COL27A1: variants seen among roughly 807,000 people sequenced by gnomAD.
COL27A1 encodes the protein collagen alpha-1(XXVII) chain.
Under a neutral mutation model 251.3 loss-of-function variants are expected in COL27A1, and 106 were observed. That is an observed-to-expected ratio of 0.42 (90% CI 0.36 to 0.50). The LOEUF is 0.50. COL27A1 is among the 20% of genes least tolerant of loss of function. The pLI, the probability that COL27A1 is intolerant of heterozygous loss-of-function variation, is 0.00. For synonymous variants in COL27A1, 1,000 were observed against 986.3 expected (o/e 1.01, Z -0.26); for missense variants, 2,325 against 2,522.8 (o/e 0.92, Z 1.68).
chr9:114,243,277 A>G (rs963337597), intron 22 of COL27A1, among the ~76,000 whole-genome samples: 4 of 152,134 alleles, frequency 2.6e-5, no homozygotes, highest in Admixed American at 2.6e-4. Context: ...TTACAACAAG[A>G]AGACCAACCC....
intron 28 of COL27A1, among the ~76,000 whole-genome samples, chr9:114,258,969 C>T (rs1834134375): frequency 1.3e-5 from 2 of 152,184 alleles, no homozygotes; most frequent in Non-Finnish European, 2.9e-5. Flanking sequence ...GTGAGCCAGT[C>T]AACAAGTGAA....
intron 27 of COL27A1, among the ~76,000 whole-genome samples, chr9:114,254,175 C>A (rs1833765661): frequency 2.0e-5 from 3 of 152,018 alleles, no homozygotes; most frequent in Admixed American, 2.0e-4. Context: ...GAAGAGCAGG[C>A]ACAAAGATGG....
At chr9:114,242,068 C>A in intron 21 of COL27A1, 119 bp from the exon 22 acceptor site, 1 of 858,318 alleles carries the variant, frequency 1.2e-6, no homozygotes. Flanking sequence ...GTGCTGTTTC[C>A]CTTTGTCCAG....
chr9:114,272,492 A>T (rs557646589), intron 36 of COL27A1: 21 of 152,228 alleles, frequency 1.4e-4, no homozygotes, highest in Middle Eastern at 3.4e-3. Flanking sequence ...GGAGAGACCC[A>T]TTTTCTTAAG....
chr9:114,210,988 C>T lies in COL27A1; in HGVS notation c.2329C>T (p.Pro777Ser). 6.2e-7 allele frequency: 1 copy of T among 1,614,202 alleles called. No individual in the cohort carries two copies. The highest frequency in any genetic ancestry group is 8.5e-7 in the Non-Finnish European group (1 of 1,180,012). ...LPGSDGERGL[P>S]GVPGKRGKMG... ...CCCTGTCTCTCCCCTGCAGGGCCTG[C>T]CTGGCGTTCCTGGCAAGAGGGGCAA... Residue 777 changes from proline to serine, a missense_variant, in exon 12 of 61, where the codon CCT (proline) becomes TCT (serine). Transcript: ENST00000356083.
At chr9:114,309,558 A>G (rs1829306132) in intron 60 of COL27A1, 80 bp downstream of exon 60, 3 of 1,003,688 alleles carry the variant, frequency 3.0e-6, no homozygotes, top group Non-Finnish European at 4.5e-6. Flanking sequence ...TGTTTCTATT[A>G]TAAGATTATA....
Position 114,274,900 on chromosome 9 carries a change from A to C in COL27A1, c.3610-761A>C, listed in dbSNP as rs547800183. On this transcript the variant is annotated intron_variant, in intron 36 of 60. Coordinates refer to ENST00000356083, the MANE Select transcript of COL27A1 (RefSeq NM_032888.4). The stretch of plus-strand genomic sequence containing the variant: ...GAAAAATGGAAAGAGTGGTTCTGAG[A>C]AGGAGAATTGGGTGAATTTTCTTTC... Among the ~76,000 whole-genome samples the C allele has an allele frequency of 2.6e-5, 4 of 151,970 alleles. No individual in the cohort carries two copies. In the South Asian group the frequency reaches 8.3e-4, roughly 32 times the overall value.
Position 114,290,150 on chromosome 9 carries a change from G to GGCC in COL27A1, c.4260+39_4260+40insGCC. 2.6e-5 allele frequency: 41 copies of GGCC among 1,593,358 alleles called. No individual in the cohort carries two copies. The highest frequency in any genetic ancestry group is 4.5e-5 in the East Asian group (2 of 44,422). On this transcript the variant is annotated intron_variant, in intron 46 of 60. Coordinates refer to ENST00000356083, the MANE Select transcript of COL27A1 (RefSeq NM_032888.4). This position sits in a 1 kb window ranked among gnomAD's most constrained non-coding sequence, Gnocchi z 4.6. Reference sequence around the variant, plus strand: ...GCTGCTGTTTCCAGCCAACCTCCCTGCCCGCCCCCCACACCCGCCCTCCTC... The same window carrying GGCC: ...GCTGCTGTTTCCAGCCAACCTCCCTGGCCCCCGCCCCCCACACCCGCCCTCCTC...
intron 27 of COL27A1, among the ~76,000 whole-genome samples, chr9:114,254,599 G>T (rs535033545): frequency 2.7e-4 from 41 of 152,278 alleles, no homozygotes; most frequent in African/African-American, 9.1e-4. Context: ...GGGGCGATGA[G>T]CTCAGGTTGC....
chr9:114,205,736 T>A, intron 8 of COL27A1, 23 bp from the exon 9 acceptor site: 1 of 1,612,488 alleles, frequency 6.2e-7, no homozygotes, highest in Non-Finnish European at 8.5e-7. Flanking sequence ...CTTTTCCTTA[T>A]GTTTCTCTCT....
chr9:114,206,139 C>T (rs564343490), intron 9 of COL27A1, 113 bp from the exon 10 acceptor site: 5 of 1,043,612 alleles, frequency 4.8e-6, no homozygotes, highest in East Asian at 2.5e-5. Flanking sequence ...CTAACCCCAC[C>T]CCCATTCTAC....
intron 4 of COL27A1, 92 bp downstream of exon 4, chr9:114,178,436 C>T (rs944878213): frequency 1.8e-5 from 21 of 1,159,068 alleles, no homozygotes; most frequent in Non-Finnish European, 2.3e-5. Flanking sequence ...TGTGTGTCCT[C>T]AGGTTCTTCC....
intron 3 of COL27A1, among the ~76,000 whole-genome samples, chr9:114,177,658 T>A (rs964159910): frequency 1.3e-5 from 2 of 152,210 alleles, no homozygotes; most frequent in African/African-American, 4.8e-5. Context: ...GGGCACAAGC[T>A]GGCTAAAGAC....
intron 10 of COL27A1, 168 bp from the exon 11 acceptor site, chr9:114,209,507 C>G: frequency 1.3e-6 from 1 of 783,856 alleles, no homozygotes; most frequent in South Asian, 1.4e-5. Context: ...GGCATATACA[C>G]TTGCCTCAAG....
Position 114,237,691 on chromosome 9 carries a change from G to C in COL27A1, c.2703G>C (p.Gly901=), listed in dbSNP as rs1287808668. The stretch of plus-strand genomic sequence containing the variant: ...AAGTCGGAGACAAAGGATCCATTGG[G>C]TTTCCCGGGCCCCCTGGACCCGAGG... ...LGKVGDKGSI[G]FPGPPGPEGF... is the part of the protein sequence containing the mutation. The change falls in exon 19 of 61, where the codon GGG becomes GGC. Residue 901 remains glycine, a synonymous_variant. Coordinates refer to ENST00000356083, the MANE Select transcript of COL27A1 (RefSeq NM_032888.4). 1 of 1,614,044 alleles carries C rather than the reference G, an allele frequency of 6.2e-7. No homozygotes were observed. Among genetic ancestry groups the C allele is most frequent in the Non-Finnish European group, 8.5e-7 (1 of 1,180,032 alleles).
Position 114,176,380 on chromosome 9 carries a change from AT to A in COL27A1, c.1909-1903del, listed in dbSNP as rs1405688882. ...TTGCTTCACAGAAATAACAGCTAAC[AT>A]TTTTTTTGAGCATTAATTGGGTGCC... On this transcript the variant is annotated intron_variant, in intron 3 of 60. Coordinates refer to ENST00000356083, the MANE Select transcript of COL27A1 (RefSeq NM_032888.4). 2.6e-5 allele frequency among the ~76,000 whole-genome samples: 4 copies of A among 152,114 alleles called. No homozygotes were observed. The East Asian group carries it at 5.8e-4, about 22-fold the overall frequency.
chr9:114,306,354 G>GC, intron 57 of COL27A1, 166 bp from the exon 58 acceptor site: 1 of 628,414 alleles, frequency 1.6e-6, no homozygotes, highest in Non-Finnish European at 2.7e-6. Context: ...TTTGTCCCTG[G>GC]CCCGTTTTCT....
At chr9:114,245,969 C>G (rs1211180547) in intron 24 of COL27A1, 59 bp downstream of exon 24, 1 of 1,500,984 alleles carries the variant, frequency 6.7e-7, no homozygotes, top group African/African-American at 1.4e-5. Flanking sequence ...TACTCTGTGC[C>G]AAGCCCTTTG....
intron 23 of COL27A1, among the ~76,000 whole-genome samples, chr9:114,244,559 G>A (rs1832982102): frequency 6.6e-6 from 1 of 152,208 alleles, no homozygotes. Flanking sequence ...ACCCACAGGA[G>A]GTTAGGACAG....
Sources: gnomAD v4.1 joint callset for allele counts (sites outside exome capture counted in the v4.1 genomes callset) on GRCh38, gnomAD v4.1.1 for gene constraint, Gnocchi (gnomAD v3.1) non-coding constraint, MANE v1.5 for transcripts, NCBI Gene and HGNC (gene_info 2026-07-23, HGNC 2026-07-21) for gene names.